BST1: variants seen among roughly 807,000 people sequenced by gnomAD.
BST1 encodes bone marrow stromal cell antigen 1.
Under a neutral mutation model 40.6 loss-of-function variants are expected in BST1, and 49 were observed. That is an observed-to-expected ratio of 1.21 (90% confidence interval 0.96 to 1.53). The LOEUF is 1.53. BST1 is among the 40% of genes most tolerant of loss of function. The pLI is 0.00. For missense variants in BST1, 423 were observed against 395.9 expected (o/e 1.07, Z -0.58); for synonymous variants, 157 against 159.3 (o/e 0.99, Z 0.11).
the BST1 span, among the ~76,000 whole-genome samples, chr4:15,762,369 A>G: frequency 6.6e-6 from 1 of 151,784 alleles, no homozygotes; most frequent in Non-Finnish European, 1.5e-5. Context: ...TCTAGGTAGT[A>G]TGATTATGGG....
At chr4:15,735,410 G>GA (rs1291413984), downstream of BST1, among the ~76,000 whole-genome samples, 3 of 152,158 alleles carry the variant, frequency 2.0e-5, no homozygotes, top group Non-Finnish European at 4.4e-5. Flanking sequence ...TTTAATAGAG[G>GA]AAAACAGAGG....
At chr4:15,704,726 A>G (rs1475877280) in intron 1 of BST1, among the ~76,000 whole-genome samples, 2 of 152,122 alleles carry the variant, frequency 1.3e-5, no homozygotes, top group Non-Finnish European at 2.9e-5. Context: ...ATGTGATCTC[A>G]GGTTGGAATT....
At chr4:15,725,541 C>T (rs1721049755) in intron 8 of BST1, among the ~76,000 whole-genome samples, 1 of 152,176 alleles carries the variant, frequency 6.6e-6, no homozygotes, top group South Asian at 2.1e-4. Context: ...TGCTCAAAAA[C>T]CTTCAAAGTT....
At chr4:15,722,055 T>C (rs1053047476) in intron 7 of BST1, among the ~76,000 whole-genome samples, 1 of 152,168 alleles carries the variant, frequency 6.6e-6, no homozygotes, top group African/African-American at 2.4e-5. Context: ...ACTTCACATC[T>C]TCTCCCTCTG....
At chr4:15,741,791 T>G (rs1263509285), downstream of BST1, among the ~76,000 whole-genome samples, 1 of 152,240 alleles carries the variant, frequency 6.6e-6, no homozygotes. Flanking sequence ...AGTTGAGCAG[T>G]GGCAACAGAG....
At chr4:15,705,779 T>C in intron 2 of BST1, 138 bp downstream of exon 2, 1 of 1,154,894 alleles carries the variant, frequency 8.7e-7, no homozygotes, top group Middle Eastern at 2.2e-4. Flanking sequence ...ATAATGTGTG[T>C]GCTGAGCTCT....
At chr4:15,756,186 G>A in the BST1 span, among the ~76,000 whole-genome samples, 1 of 152,118 alleles carries the variant, frequency 6.6e-6, no homozygotes, top group Non-Finnish European at 1.5e-5. Flanking sequence ...TGGTGTTTTT[G>A]CTAAAAGACT....
At chr4:15,719,910 G>A (rs1372666888) in intron 7 of BST1, among the ~76,000 whole-genome samples, 2 of 152,078 alleles carry the variant, frequency 1.3e-5, no homozygotes, top group Non-Finnish European at 2.9e-5. Context: ...ATAAATTATT[G>A]CCAGTGCTCT....
At chr4:15,733,651 G>C (rs1721465797), downstream of BST1, among the ~76,000 whole-genome samples, 1 of 152,184 alleles carries the variant, frequency 6.6e-6, no homozygotes, top group African/African-American at 2.4e-5. Flanking sequence ...AAGCAGTCAT[G>C]TCTTACATGG....
Position 15,711,886 on chromosome 4 carries a change from C to A in BST1, c.531C>A (p.Ile177=). 1 of 1,612,460 alleles carries A rather than the reference C, an allele frequency of 6.2e-7. No homozygotes were observed. Among genetic ancestry groups the A allele is most frequent in the South Asian group, 1.1e-5 (1 of 91,040 alleles). ...ATTCCTTTTGGAAAAGGGCATCCAT[C>A]CAGGTAATGCTGGGATGATATCTGA... ...PVDSFWKRAS[I]QYSKDSSGVI... Residue 177 remains isoleucine (I), a synonymous_variant, in exon 4 of 9, where the codon ATC becomes ATA. Coordinates refer to ENST00000265016, the MANE Select transcript of BST1 (RefSeq NM_004334.3).
At chr4:15,738,687 G>A (rs559328568), downstream of BST1, among the ~76,000 whole-genome samples, 1 of 152,310 alleles carries the variant, frequency 6.6e-6, no homozygotes, top group East Asian at 1.9e-4. Flanking sequence ...TGTTACAGAC[G>A]GAACTGTGTT....
In BST1 at chr4:15,713,851, G is replaced by A. The variant is rs144048439; in HGVS notation, c.535-1434G>A. Among the ~76,000 whole-genome samples, 965 of 151,930 alleles carry A rather than the reference G, an allele frequency of 6.4e-3. 8 individuals carry two copies. Among genetic ancestry groups the A allele is most frequent in the African/African-American group, 0.022 (930 of 41,438 alleles). ...CCCGAGTAGCTGGGACTACAGGTGC[G>A]TGTCACCATGCCCAACTAATTTTTG... On this transcript the variant is annotated intron_variant, in intron 4 of 8. Coordinates refer to ENST00000265016, the MANE Select transcript of BST1 (RefSeq NM_004334.3).
the BST1 span, among the ~76,000 whole-genome samples, chr4:15,762,179 A>G: frequency 1.7e-5 from 2 of 120,410 alleles, no homozygotes; most frequent in Admixed American, 9.4e-5. Context: ...ACGGAGTGAG[A>G]CTCCATCTCA....
chr4:15,714,561 A>T (rs1215031096), intron 4 of BST1, among the ~76,000 whole-genome samples: 1 of 152,248 alleles, frequency 6.6e-6, no homozygotes, highest in African/African-American at 2.4e-5. Flanking sequence ...ACCCTTAAGT[A>T]TCATAGTTTA....
chr4:15,707,311 A>T (rs1719931794), intron 2 of BST1, among the ~76,000 whole-genome samples, 200 bp from the exon 3 acceptor site: 1 of 152,168 alleles, frequency 6.6e-6, no homozygotes, highest in Non-Finnish European at 1.5e-5. Context: ...TTTGCATGAT[A>T]CCCTGGGAAT....
chr4:15,736,177 T>C (rs1721556257), downstream of BST1: 1 of 1,242,896 alleles, frequency 8.0e-7, no homozygotes, highest in African/African-American at 1.6e-5. Context: ...GACTGATCTC[T>C]CTGCTTCTGC....
chr4:15,715,093 T>C (rs116820604), intron 4 of BST1, among the ~76,000 whole-genome samples, 192 bp from the exon 5 acceptor site: 153 of 152,340 alleles, frequency 1.0e-3, no homozygotes, highest in African/African-American at 3.6e-3. Flanking sequence ...ACTGAGTCTA[T>C]GAGTTTTTTG....
At chr4:15,723,009 C>T (rs1720900183) in intron 8 of BST1, 75 bp downstream of exon 8, 2 of 1,360,362 alleles carry the variant, frequency 1.5e-6, no homozygotes, top group East Asian at 2.3e-5. Context: ...AGTTCACAAA[C>T]ATGAACATAT....
At chr4:15,741,416 G>A (rs1048088077), downstream of BST1, among the ~76,000 whole-genome samples, 4 of 152,166 alleles carry the variant, frequency 2.6e-5, no homozygotes, top group Non-Finnish European at 5.9e-5. Context: ...GCAGATGGAT[G>A]GGGAAAGTAC....
Sources: gnomAD v4.1 joint callset for allele counts (sites outside exome capture counted in the v4.1 genomes callset) on GRCh38, gnomAD v4.1.1 for gene constraint, MANE v1.5 for transcripts, NCBI Gene and HGNC (gene_info 2026-07-23, HGNC 2026-07-21) for gene names.